The following MAP6 variants were observed in gnomAD, a reference collection of about 807,000 sequenced individuals.
MAP6 encodes the protein microtubule associated protein 6, also known as microtubule-associated protein 6.
Under a neutral mutation model 42.4 loss-of-function variants are expected in MAP6, and 26 were observed. The observed-to-expected ratio is 0.61, with a 90% CI of 0.45 to 0.85. The LOEUF (loss-of-function observed/expected upper bound fraction) is 0.85, where lower values mean the gene tolerates loss of function less well. Ranked by LOEUF, MAP6 falls within the 40% of genes least tolerant of loss-of-function variation. The pLI, the probability that MAP6 is intolerant of heterozygous loss-of-function variation, is 0.00. For missense variants in MAP6, 966 were observed against 1,099.0 expected (o/e 0.88, Z 1.71); for synonymous variants, 418 against 443.8 (o/e 0.94, Z 0.73).
At chr11:75,605,076 C>T (rs1052797703) in intron 3 of MAP6, 106 of 985,334 alleles carry the variant, frequency 1.1e-4, no homozygotes, top group Admixed American at 2.5e-4. Flanking sequence ...TTTCTGTGAT[C>T]TTCCTATGAC....
rs770021891 is a variant in MAP6 at position 75,668,256 on chromosome 11, C to A, written c.114G>T (p.Glu38Asp). Reference protein sequence around the residue: ...LVFTKYSEATEHPGAPPQPPP... With the variant: ...LVFTKYSEATDHPGAPPQPPP... ...GTGGCTGCGGCGGGGCGCCCGGGTG[C>A]TCGGTGGCCTCCGAGTACTTGGTGA... Residue 38 changes from glutamate (E) to aspartate (D), a missense_variant, in exon 1 of 4, where the codon GAG becomes GAT. Glu to Asp is a conservative substitution (Grantham distance 45, BLOSUM62 2). This residue lies in a region of MAP6 where 943 missense variants were observed against 1,049.9 expected (regional missense o/e 0.90). Transcript: ENST00000304771. 6.8e-6 allele frequency: 10 copies of A among 1,479,288 alleles called. No individual in the cohort carries two copies. In the East Asian group the frequency reaches 1.9e-4, roughly 28 times the overall value. 91.6% of individuals were successfully genotyped at this position (1,479,288 alleles called of 1,614,324 possible).
intron 1 of MAP6, among the ~76,000 whole-genome samples, chr11:75,639,681 T>C (rs989383177): frequency 1.3e-5 from 2 of 152,180 alleles, no homozygotes; most frequent in Non-Finnish European, 2.9e-5. Flanking sequence ...TTCAACCCTA[T>C]AAAAATATGT....
chr11:75,599,186 C>A (rs1942628691), intron 3 of MAP6: 1 of 152,160 alleles, frequency 6.6e-6, no homozygotes, highest in Non-Finnish European at 1.5e-5. Context: ...GCATCTGAAG[C>A]TCTCTTGGCC....
chr11:75,665,740 A>T (rs1249937427), intron 1 of MAP6, among the ~76,000 whole-genome samples: 1 of 152,212 alleles, frequency 6.6e-6, no homozygotes, highest in Admixed American at 6.5e-5. Flanking sequence ...TGGTAGCAGC[A>T]TAAAAACATA....
chr11:75,653,876 C>T (rs1339582677), intron 1 of MAP6, among the ~76,000 whole-genome samples: 1 of 152,146 alleles, frequency 6.6e-6, no homozygotes, highest in East Asian at 1.9e-4. Flanking sequence ...AGTACTCAAC[C>T]CACCAGGGAC....
At chr11:75,593,271 T>C (rs563116618) in intron 3 of MAP6, among the ~76,000 whole-genome samples, 4 of 152,262 alleles carry the variant, frequency 2.6e-5, no homozygotes, top group African/African-American at 9.6e-5. Flanking sequence ...CTTGAGTGAA[T>C]GAATAAACAA....
At chr11:75,600,613 G>A (rs541066305) in intron 3 of MAP6, among the ~76,000 whole-genome samples, 1 of 152,296 alleles carries the variant, frequency 6.6e-6, no homozygotes, top group South Asian at 2.1e-4. Context: ...AACCCTGCTG[G>A]TCTCAGGTGG....
chr11:75,642,780 G>T, intron 1 of MAP6: 1 of 391,324 alleles, frequency 2.6e-6, no homozygotes. Context: ...AAATACTACT[G>T]CAACTAGTCG....
intron 1 of MAP6, among the ~76,000 whole-genome samples, chr11:75,641,575 G>A (rs776500189): frequency 4.6e-5 from 7 of 152,272 alleles, no homozygotes; most frequent in East Asian, 3.9e-4. Flanking sequence ...CAACCACTTC[G>A]TGTGATTCCA....
intron 1 of MAP6, among the ~76,000 whole-genome samples, chr11:75,662,696 T>C (rs1477570927): frequency 6.6e-6 from 1 of 152,206 alleles, no homozygotes; most frequent in East Asian, 1.9e-4. Context: ...TAAAAGTAGA[T>C]CATAACGTGA....
At chr11:75,618,978 C>A (rs1178234572) in intron 1 of MAP6, among the ~76,000 whole-genome samples, 3 of 151,994 alleles carry the variant, frequency 2.0e-5, no homozygotes, top group Non-Finnish European at 4.4e-5. Context: ...AGGACTAGGC[C>A]GGCTGAGGGG....
At chr11:75,592,258 G>A (rs1316126072) in intron 3 of MAP6, among the ~76,000 whole-genome samples, 1 of 152,110 alleles carries the variant, frequency 6.6e-6, no homozygotes, top group Non-Finnish European at 1.5e-5. Context: ...CTCTCTCTCC[G>A]CTTTCTCACA....
chr11:75,651,793 G>A (rs1358937604), intron 1 of MAP6, among the ~76,000 whole-genome samples: 2 of 152,180 alleles, frequency 1.3e-5, no homozygotes, highest in African/African-American at 2.4e-5. Context: ...AGGCACAGCC[G>A]AACCAAGTAT....
At chr11:75,599,474 C>T (rs921833528) in intron 3 of MAP6, among the ~76,000 whole-genome samples, 5 of 152,200 alleles carry the variant, frequency 3.3e-5, no homozygotes, top group African/African-American at 1.2e-4. Flanking sequence ...ACATTGCAGT[C>T]ACCCAGGCAA....
chr11:75,668,583 A>T lies in MAP6; in HGVS notation c.-214T>A, dbSNP rs753271494. The T allele has an allele frequency of 6.0e-4, 315 of 520,882 alleles. No homozygotes were observed. The highest frequency in any genetic ancestry group is 8.6e-4 in the Non-Finnish European group (298 of 348,298). 32.3% of individuals were successfully genotyped at this position (520,882 alleles called of 1,614,324 possible). A position where few individuals can be genotyped will look rare whatever the true frequency, so the allele number is the denominator to read the frequency against. On this transcript the variant is annotated 5_prime_UTR_variant, in exon 1 of 4. In the 5' UTR this introduces an upstream ATG that the reference lacks. Coordinates refer to ENST00000304771, the MANE Select transcript of MAP6 (RefSeq NM_033063.2). ...TAGAGTCCCTCGATTACCGGTCGCA[A>T]ACGCCTTTGGGAGCGCAGTCTGCTG...
At chr11:75,651,551 C>A (rs554108589) in intron 1 of MAP6, among the ~76,000 whole-genome samples, 2 of 152,112 alleles carry the variant, frequency 1.3e-5, no homozygotes, top group Non-Finnish European at 2.9e-5. Context: ...ATGTTGTAGC[C>A]CCGAAGGGAA....
chr11:75,632,996 TTTTTTTC>T (rs1032586500), intron 1 of MAP6, among the ~76,000 whole-genome samples: 18 of 150,966 alleles, frequency 1.2e-4, no homozygotes, highest in East Asian at 9.8e-4. Flanking sequence ...GTTTCTTTTC[TTTTTTTC>T]TTTTTTCTTT....
intron 1 of MAP6, among the ~76,000 whole-genome samples, chr11:75,619,092 T>A (rs1299420132): frequency 2.0e-5 from 3 of 152,066 alleles, no homozygotes; most frequent in Non-Finnish European, 4.4e-5. Flanking sequence ...GGAAAGTGTG[T>A]GTGAGTGTGT....
At chr11:75,657,803 T>G (rs891343668) in intron 1 of MAP6, among the ~76,000 whole-genome samples, 1 of 152,222 alleles carries the variant, frequency 6.6e-6, no homozygotes, top group Non-Finnish European at 1.5e-5. Flanking sequence ...TTGGTCACAC[T>G]GCATCACCCT....
Sources: allele counts gnomAD v4.1 joint callset (sites outside exome capture counted in the v4.1 genomes callset), GRCh38; gene constraint gnomAD v4.1.1; regional missense constraint gnomAD v4.1.1; transcripts MANE v1.5; gene names NCBI Gene and HGNC (gene_info 2026-07-23, HGNC 2026-07-21).